The following CORO2A variants were observed in gnomAD, a reference collection of about 807,000 sequenced individuals.
The protein encoded by CORO2A is coronin 2A, also known as coronin-2A.
In CORO2A, 47 loss-of-function variants were observed where a neutral mutation model predicts 62.4. The observed-to-expected ratio is 0.75, with a 90% CI of 0.60 to 0.96. The LOEUF is 0.96. Among genes scored for constraint, CORO2A ranks in the 40% least tolerant of loss-of-function variants. The pLI is 0.00. For synonymous variants in CORO2A, 273 were observed against 268.9 expected (o/e 1.02, Z -0.15); for missense variants, 610 against 684.1 (o/e 0.89, Z 1.21).
chr9:98,151,166 T>TA (rs1827719496), intron 2 of CORO2A, among the ~76,000 whole-genome samples: 1 of 152,166 alleles, frequency 6.6e-6, no homozygotes, highest in Non-Finnish European at 1.5e-5. Context: ...GAGCAACAAT[T>TA]ATGCACCCAA....
At chr9:98,126,282 C>T (rs1454167063) in intron 11 of CORO2A, among the ~76,000 whole-genome samples, 1 of 152,130 alleles carries the variant, frequency 6.6e-6, no homozygotes, top group Non-Finnish European at 1.5e-5. Context: ...GATCTGCCCG[C>T]CTTGGCCTCC....
At chr9:98,191,105 G>C (rs73503029) in intron 1 of CORO2A, among the ~76,000 whole-genome samples, 2,107 of 152,320 alleles carry the variant, frequency 0.014, 43 homozygotes, top group African/African-American at 0.048. Flanking sequence ...GGTCATGAAG[G>C]GGACAAGAAA....
intron 4 of CORO2A, among the ~76,000 whole-genome samples, chr9:98,133,953 C>T (rs1482810684): frequency 1.3e-5 from 2 of 152,008 alleles, no homozygotes; most frequent in Non-Finnish European, 2.9e-5. Context: ...GATGGGGTCT[C>T]ACTATGTTGG....
intron 2 of CORO2A, among the ~76,000 whole-genome samples, chr9:98,142,797 A>G (rs1216897598): frequency 2.1e-5 from 3 of 146,286 alleles, no homozygotes; most frequent in Non-Finnish European, 1.5e-5. Context: ...GCCCACTCAC[A>G]CCCCAGCCCA....
At position 98,157,440 on chromosome 9, in the gene CORO2A, G is replaced by A. The variant is rs747842285; in HGVS notation, c.201+20C>T. 2.5e-6 allele frequency: 4 copies of A among 1,612,946 alleles called. No individual in the cohort carries two copies. The highest frequency in any genetic ancestry group is 1.3e-5 in the African/African-American group (1 of 75,028). On this transcript the variant is annotated intron_variant, in intron 2 of 11. Coordinates refer to ENST00000375077, the MANE Select transcript of CORO2A (RefSeq NM_052820.4). ...CTGCCCTGCCTCCAGAGAGCTGTTTGGGCCTGGGGGTGTCCTTACCTGGTG... is the reference window on the plus strand; with the variant it reads ...CTGCCCTGCCTCCAGAGAGCTGTTTAGGCCTGGGGGTGTCCTTACCTGGTG...
chr9:98,127,057 G>C, intron 10 of CORO2A: 1 of 586,580 alleles, frequency 1.7e-6, no homozygotes, highest in Non-Finnish European at 3.0e-6. Context: ...GGAACAGCAC[G>C]GTGCGTGCAC....
chr9:98,192,481 C>CCGCGGGGG (rs1554749113), intron 1 of CORO2A, 78 bp downstream of exon 1: 1 of 152,114 alleles, frequency 6.6e-6, no homozygotes, highest in Non-Finnish European at 1.5e-5. Flanking sequence ...GGAGCTGCAG[C>CCGCGGGGG]CGCAGCGCGC....
intron 2 of CORO2A, among the ~76,000 whole-genome samples, chr9:98,148,298 G>A (rs1327029722): frequency 6.6e-6 from 1 of 151,142 alleles, no homozygotes; most frequent in Non-Finnish European, 1.5e-5. Flanking sequence ...GGGAGGCTGA[G>A]GCAGGAGAGT....
intron 11 of CORO2A, 83 bp downstream of exon 11, chr9:98,126,466 T>A: frequency 6.6e-7 from 1 of 1,521,458 alleles, no homozygotes; most frequent in Non-Finnish European, 8.9e-7. Flanking sequence ...CATGCCTCAT[T>A]TTCTCCCTTC....
At chr9:98,189,500 C>T (rs1828279085) in intron 1 of CORO2A, among the ~76,000 whole-genome samples, 1 of 152,190 alleles carries the variant, frequency 6.6e-6, no homozygotes, top group African/African-American at 2.4e-5. Context: ...CTACCTGCCT[C>T]TAAGGGGATT....
chr9:98,138,805 T>C (rs144159841), intron 2 of CORO2A, among the ~76,000 whole-genome samples: 114 of 152,086 alleles, frequency 7.5e-4, no homozygotes, highest in Non-Finnish European at 1.5e-3. Context: ...TCCCAGCACT[T>C]TGGGGGGCCG....
Position 98,126,621 on chromosome 9 carries a change from C to T in CORO2A, c.1374G>A (p.Leu458=), listed in dbSNP as rs756903551. The part of the protein sequence containing the change: ...KMPRWAAEHR[L]EEKKTWLTNG... The stretch of plus-strand genomic sequence containing the variant: ...TTGTCAGCCAGGTTTTCTTCTCCTC[C>T]AGCCTGTGTTCTGCTGCCCACCTTG... The change falls in exon 11 of 12, where the codon CTG becomes CTA. Residue 458 remains leucine (L), a synonymous_variant. Transcript: ENST00000375077. 3 of 1,614,196 alleles carry T rather than the reference C, an allele frequency of 1.9e-6. No homozygotes were observed. Among genetic ancestry groups the T allele is most frequent in the Non-Finnish European group, 2.5e-6 (3 of 1,180,030 alleles).
At chr9:98,137,429 C>T in intron 3 of CORO2A, 143 bp downstream of exon 3, 1 of 713,908 alleles carries the variant, frequency 1.4e-6, no homozygotes. Context: ...CCTCCTCTAC[C>T]TTAACTTAAC....
chr9:98,140,146 T>C (rs1827546008), intron 2 of CORO2A, among the ~76,000 whole-genome samples: 1 of 152,150 alleles, frequency 6.6e-6, no homozygotes, highest in Admixed American at 6.6e-5. Context: ...TTCCAGGTTC[T>C]TGAGCCACCC....
At chr9:98,163,486 G>A (rs907512287) in intron 1 of CORO2A, among the ~76,000 whole-genome samples, 1 of 152,246 alleles carries the variant, frequency 6.6e-6, no homozygotes, top group South Asian at 2.1e-4. Context: ...CATTGTGCCC[G>A]GCCTTGAGTT....
chr9:98,132,782 T>G (rs1033097237), intron 5 of CORO2A, among the ~76,000 whole-genome samples: 1 of 152,078 alleles, frequency 6.6e-6, no homozygotes, highest in Non-Finnish European at 1.5e-5. Flanking sequence ...AGCTTTGGAG[T>G]CAGACCAGGT....
chr9:98,167,773 CG>C lies in CORO2A; in HGVS notation c.1-10114del, dbSNP rs1564214503. On this transcript the variant is annotated intron_variant, in intron 1 of 11. Coordinates refer to ENST00000375077, the MANE Select transcript of CORO2A (RefSeq NM_052820.4). ...GACAAGAGTCTTTATCTTTTAGAGA[CG>C]GATGCCTAATATTCACAGATGAAAT... Among the ~76,000 whole-genome samples, 3 of 152,126 alleles carry C rather than the reference CG, an allele frequency of 2.0e-5. No individual in the cohort carries two copies. In the South Asian group the frequency reaches 6.2e-4, roughly 32 times the overall value.
chr9:98,164,662 G>T (rs1337444238), intron 1 of CORO2A, among the ~76,000 whole-genome samples: 1 of 152,198 alleles, frequency 6.6e-6, no homozygotes, highest in Non-Finnish European at 1.5e-5. Flanking sequence ...CTCTTGGCAC[G>T]AGGTGTCTTA....
rs1827396769 is a variant in CORO2A at position 98,130,991 on chromosome 9, A to G, written c.834T>C (p.Tyr278=). 3.7e-6 allele frequency: 6 copies of G among 1,613,888 alleles called. No homozygotes were observed. Among genetic ancestry groups the G allele is most frequent in the South Asian group, 2.2e-5 (2 of 91,058 alleles). ...DGSSGVLFPF[Y]DADTSMLYVV... is the part of the protein sequence containing the mutation. ...CGTAGAGCATGCTGGTGTCCGCGTC[A>G]TAGAAGGGAAACAGCACGCCCGAGG... The change falls in exon 7 of 12, where the codon TAT becomes TAC. Residue 278 remains tyrosine (Y), a synonymous_variant. Coordinates refer to ENST00000375077, the MANE Select transcript of CORO2A (RefSeq NM_052820.4).
Sources: gnomAD v4.1 joint callset for allele counts (sites outside exome capture counted in the v4.1 genomes callset) on GRCh38, gnomAD v4.1.1 for gene constraint, MANE v1.5 for transcripts, NCBI Gene and HGNC (gene_info 2026-07-23, HGNC 2026-07-21) for gene names.